ITGA1: variants seen among roughly 807,000 people sequenced by gnomAD.
ITGA1 encodes integrin alpha-1.
A neutral mutation model predicts 145.9 loss-of-function variants in ITGA1; 85 were observed. The observed-to-expected ratio is 0.58, with a 90% CI of 0.49 to 0.70. The LOEUF is 0.70. Ranked by LOEUF, ITGA1 falls within the 30% of genes least tolerant of loss-of-function variation. The pLI, the probability that ITGA1 is intolerant of heterozygous loss-of-function variation, is 0.00. For synonymous variants in ITGA1, 520 were observed against 495.3 expected (o/e 1.05, Z -0.66); for missense variants, 1,351 against 1,418.7 (o/e 0.95, Z 0.77).
At chr5:52,928,916 T>C (rs1239498522) in intron 20 of ITGA1, among the ~76,000 whole-genome samples, 1 of 152,192 alleles carries the variant, frequency 6.6e-6, no homozygotes, top group Non-Finnish European at 1.5e-5. Context: ...TGATTATCTC[T>C]CACTTTTCTC....
At chr5:52,926,639 A>G (rs986230535) in intron 19 of ITGA1, among the ~76,000 whole-genome samples, 1 of 152,006 alleles carries the variant, frequency 6.6e-6, no homozygotes, top group African/African-American at 2.4e-5. Flanking sequence ...TATTATAAAT[A>G]CAAATGTACA....
At chr5:52,902,986 TC>T (rs1175095327) in intron 11 of ITGA1, 2 of 152,234 alleles carry the variant, frequency 1.3e-5, no homozygotes, top group Non-Finnish European at 2.9e-5. Context: ...GCTCTCTTTT[TC>T]TTTTCTTCTT....
chr5:52,924,049 G>C (rs1483067251), intron 18 of ITGA1, among the ~76,000 whole-genome samples: 1 of 152,192 alleles, frequency 6.6e-6, no homozygotes, highest in East Asian at 1.9e-4. Context: ...CCTGAGAGTG[G>C]AGTGAGGGGA....
In ITGA1 at chr5:52,893,710, T is replaced by G. The variant is rs754590811; in HGVS notation, c.960T>G (p.Thr320=). 3 of 1,612,910 alleles carry G rather than the reference T, an allele frequency of 1.9e-6. No homozygotes were observed. Among genetic ancestry groups the G allele is most frequent in the Non-Finnish European group, 2.5e-6 (3 of 1,179,324 alleles). Residue 320 remains threonine (T), a synonymous_variant, in exon 9 of 29, where the codon ACT becomes ACG. Transcript: ENST00000282588. ...LGSYNRGNLS[T]EKFVEEIKSI... ...GCTATAACCGAGGAAATTTAAGCAC[T>G]GAAAAATTTGTGGAGGAAATAAAAT...
chr5:52,815,795 A>G (rs1203374471), intron 1 of ITGA1, among the ~76,000 whole-genome samples: 2 of 152,196 alleles, frequency 1.3e-5, no homozygotes, highest in African/African-American at 4.8e-5. Flanking sequence ...ACATACTTAC[A>G]GTAATAGTAG....
At chr5:52,911,447 A>G (rs972087339) in intron 14 of ITGA1, among the ~76,000 whole-genome samples, 3 of 133,312 alleles carry the variant, frequency 2.3e-5, no homozygotes, top group African/African-American at 8.1e-5. Context: ...TAGTATAGAT[A>G]CACTATATAT....
chr5:52,958,709 C>T lies in ITGA1; in HGVS notation c.*6258C>T, dbSNP rs1032758947. 3 of 152,074 alleles carry T rather than the reference C, an allele frequency of 2.0e-5. No homozygotes were observed. The highest frequency in any genetic ancestry group is 4.4e-5 in the Non-Finnish European group (3 of 68,002). The allele number at this position is 152,074 out of a possible 1,614,324, so 9.4% of individuals were successfully genotyped here. On this transcript the variant is annotated 3_prime_UTR_variant, in exon 29 of 29. Transcript: ENST00000282588. ...TAAAGAATTGTATTCATTTTATTAG[C>T]AAGAAAAATATTGCATACAAGAACT...
intron 11 of ITGA1, chr5:52,903,828 A>G (rs1750353923): frequency 6.6e-6 from 1 of 152,230 alleles, no homozygotes; most frequent in African/African-American, 2.4e-5. Flanking sequence ...CAAAGAACAA[A>G]TCTAACTTTT....
intron 7 of ITGA1, among the ~76,000 whole-genome samples, chr5:52,885,529 C>A (rs1183074604): frequency 6.6e-6 from 1 of 152,106 alleles, no homozygotes; most frequent in East Asian, 1.9e-4. Flanking sequence ...GAGTTCTGCA[C>A]CAGAAACCAG....
intron 27 of ITGA1, among the ~76,000 whole-genome samples, chr5:52,945,964 A>G (rs1051302194): frequency 6.6e-6 from 1 of 152,198 alleles, no homozygotes; most frequent in Admixed American, 6.5e-5. Flanking sequence ...ACTAAAACCT[A>G]AAAAATTTGA....
chr5:52,956,108 T>C lies in ITGA1; in HGVS notation c.*3657T>C, dbSNP rs1418748371. ...TGATCAATGGAGTAAAGCTGGGGTATAGTAGAGGCTGGGGAATCCCTGCCC... is the reference window on the plus strand; with the variant it reads ...TGATCAATGGAGTAAAGCTGGGGTACAGTAGAGGCTGGGGAATCCCTGCCC... On this transcript the variant is annotated 3_prime_UTR_variant, in exon 29 of 29. Transcript: ENST00000282588. The C allele has an allele frequency of 6.6e-6, 1 of 152,132 alleles. No homozygotes were observed. The highest frequency in any genetic ancestry group is 2.4e-5 in the African/African-American group (1 of 41,424). 9.4% of individuals were successfully genotyped at this position (152,132 alleles called of 1,614,324 possible). A position where few individuals can be genotyped will look rare whatever the true frequency, so the allele number is the denominator to read the frequency against.
chr5:52,853,472 G>A (rs997831809), intron 2 of ITGA1, among the ~76,000 whole-genome samples: 1 of 152,034 alleles, frequency 6.6e-6, no homozygotes, highest in Non-Finnish European at 1.5e-5. Flanking sequence ...TCATGCTTTC[G>A]AATTTCATAA....
At chr5:52,848,886 GT>G (rs1187995134) in intron 1 of ITGA1, among the ~76,000 whole-genome samples, 1 of 152,092 alleles carries the variant, frequency 6.6e-6, no homozygotes, top group Non-Finnish European at 1.5e-5. Flanking sequence ...CTTCATCCAT[GT>G]CCCTACAAAG....
At chr5:52,895,925 C>T (rs571113386) in intron 9 of ITGA1, among the ~76,000 whole-genome samples, 1 of 152,240 alleles carries the variant, frequency 6.6e-6, no homozygotes, top group Non-Finnish European at 1.5e-5. Flanking sequence ...ATCTCCATTT[C>T]CTGTCAACAT....
chr5:52,870,135 A>T (rs192902241), intron 6 of ITGA1, among the ~76,000 whole-genome samples: 53 of 152,328 alleles, frequency 3.5e-4, no homozygotes, highest in African/African-American at 1.3e-3. Flanking sequence ...TGTTTACTTG[A>T]CAATCAATTC....
At chr5:52,938,610 T>C (rs1368506445) in intron 24 of ITGA1, among the ~76,000 whole-genome samples, 1 of 152,212 alleles carries the variant, frequency 6.6e-6, no homozygotes, top group Non-Finnish European at 1.5e-5. Context: ...TCATACTGCT[T>C]AGGAAACTTT....
chr5:52,826,704 CACTCTAT>C (rs1269578092), intron 1 of ITGA1, among the ~76,000 whole-genome samples: 1 of 152,210 alleles, frequency 6.6e-6, no homozygotes, highest in African/African-American at 2.4e-5. Flanking sequence ...AATCTACCTA[CACTCTAT>C]AAATGGAACA....
At chr5:52,867,303 G>A (rs1749703189) in intron 6 of ITGA1, 1 of 152,134 alleles carries the variant, frequency 6.6e-6, no homozygotes, top group Non-Finnish European at 1.5e-5. Flanking sequence ...GGCTGAATAG[G>A]TCTCTGTAGA....
Position 52,939,852 on chromosome 5 carries a change from T to C in ITGA1, c.3193T>C (p.Cys1065Arg), listed in dbSNP as rs1291623133. 3.7e-6 allele frequency: 6 copies of C among 1,607,208 alleles called. No individual in the cohort carries two copies. The African/African-American group carries it at 8.0e-5, about 21-fold the overall frequency. The change falls in exon 26 of 29, where the codon TGT becomes CGT. Residue 1065 changes from cysteine to arginine, a missense_variant. Transcript: ENST00000282588. ...GACATTTAAACAGGACTGCAATACA[T>C]GTAAATTTGCTACCATCACATGTAA... The part of the protein sequence containing the change: ...KRGTILDCNT[C>R]KFATITCNLT...
Sources: allele counts gnomAD v4.1 joint callset (sites outside exome capture counted in the v4.1 genomes callset), GRCh38; gene constraint gnomAD v4.1.1; transcripts MANE v1.5; gene names NCBI Gene and HGNC (gene_info 2026-07-23, HGNC 2026-07-21).